PRDM6: variants seen among roughly 807,000 people sequenced by gnomAD.
PRDM6 encodes putative histone-lysine N-methyltransferase PRDM6.
A neutral mutation model predicts 60.8 loss-of-function variants in PRDM6; 25 were observed. That is an observed-to-expected ratio of 0.41 (90% CI 0.30 to 0.57). The LOEUF is 0.57. PRDM6 is among the 20% of genes least tolerant of loss of function. The probability of loss-of-function intolerance (pLI) is 0.27; values close to 1 mark genes in which losing one functional copy is unlikely to be tolerated. For missense variants in PRDM6, 839 were observed against 821.3 expected, an observed-to-expected ratio of 1.02 and a Z score of -0.26; for synonymous variants, 407 against 357.4, an observed-to-expected ratio of 1.14 and a Z score of -1.57.
At chr5:123,162,363 C>A (rs997845335) in intron 5 of PRDM6, among the ~76,000 whole-genome samples, 2 of 152,034 alleles carry the variant, frequency 1.3e-5, no homozygotes, top group African/African-American at 4.8e-5. Context: ...TTGGTGCCAC[C>A]GTGCCAAAAA....
At chr5:123,091,390 T>C (rs115419521) in intron 2 of PRDM6, among the ~76,000 whole-genome samples, 1,700 of 152,264 alleles carry the variant, frequency 0.011, 33 homozygotes, top group African/African-American at 0.039. Context: ...GAAATTAGGG[T>C]GACTGTAATT....
In PRDM6 at chr5:123,159,617, T is replaced by G; in HGVS notation, c.1132T>G (p.Cys378Gly). Residue 378 changes from cysteine (C) to glycine (G), a missense_variant, in exon 5 of 8, where the codon TGC becomes GGC. Around this residue, in one of 2 missense-constraint regions of PRDM6, gnomAD observed 730 missense variants for 648.8 expected, o/e 1.13. Transcript: ENST00000407847. ...GTCTTTCTTTGGGATCCCCTTACAA[T>G]GCATTGCCCAGGATGAAAACTGTAA... ...YTSFFGIPLQ[C>G]IAQDENLNVP... The G allele has an allele frequency of 6.4e-7, 1 of 1,551,644 alleles. No homozygotes were observed. The highest frequency in any genetic ancestry group is 8.7e-7 in the Non-Finnish European group (1 of 1,146,788).
Position 123,190,087 on chromosome 5 carries a change from G to A in PRDM6, c.*2886G>A, listed in dbSNP as rs1371984464. On this transcript the variant is annotated 3_prime_UTR_variant, in exon 8 of 8. Coordinates refer to ENST00000407847, the MANE Select transcript of PRDM6 (RefSeq NM_001136239.4). Reference sequence around the variant, plus strand: ...AGAGTAAATGCTCTGAATCACTGGGGAAAGGATATTTAAGATAAGAAAGGT... The same window carrying A: ...AGAGTAAATGCTCTGAATCACTGGGAAAAGGATATTTAAGATAAGAAAGGT... 2 of 152,174 alleles carry A rather than the reference G, an allele frequency of 1.3e-5. No individual in the cohort carries two copies. The highest frequency in any genetic ancestry group is 6.5e-5 in the Admixed American group (1 of 15,276). The allele number at this position is 152,174 out of a possible 1,614,324, so 9.4% of individuals were successfully genotyped here.
At chr5:123,097,723 G>A (rs1763989182) in intron 2 of PRDM6, among the ~76,000 whole-genome samples, 1 of 152,200 alleles carries the variant, frequency 6.6e-6, no homozygotes, top group South Asian at 2.1e-4. Flanking sequence ...TCCCATCCAG[G>A]CCCTGGGGTC....
chr5:123,142,755 C>T (rs463061), intron 3 of PRDM6, among the ~76,000 whole-genome samples: 49,764 of 151,410 alleles, frequency 0.33, 8,581 homozygotes, highest in Middle Eastern at 0.37. Flanking sequence ...AATAAACCAA[C>T]CAAAGGATTC....
At chr5:123,135,721 A>G (rs1013112979) in intron 3 of PRDM6, among the ~76,000 whole-genome samples, 5 of 152,162 alleles carry the variant, frequency 3.3e-5, no homozygotes, top group Admixed American at 6.6e-5. Flanking sequence ...TCTGTATCCT[A>G]TTATCAAACT....
At chr5:123,144,624 T>C (rs1433922664) in intron 3 of PRDM6, among the ~76,000 whole-genome samples, 1 of 152,090 alleles carries the variant, frequency 6.6e-6, no homozygotes, top group Non-Finnish European at 1.5e-5. Flanking sequence ...GAACCAACAC[T>C]TGGAGAGAGA....
At chr5:123,122,147 T>A in intron 3 of PRDM6, among the ~76,000 whole-genome samples, 1 of 112,786 alleles carries the variant, frequency 8.9e-6, no homozygotes. Context: ...TGGGCGACAG[T>A]GCGAGACTCC....
intron 3 of PRDM6, among the ~76,000 whole-genome samples, chr5:123,153,216 A>AG (rs1491078203): frequency 6.7e-6 from 1 of 148,940 alleles, no homozygotes; most frequent in African/African-American, 2.5e-5. Context: ...AAAAAAAAAA[A>AG]AGGGCTAGGT....
intron 3 of PRDM6, among the ~76,000 whole-genome samples, chr5:123,124,226 A>C (rs1764645760): frequency 6.6e-6 from 1 of 152,186 alleles, no homozygotes. Flanking sequence ...GCACAACAGG[A>C]AGAGCCAATC....
intron 3 of PRDM6, among the ~76,000 whole-genome samples, chr5:123,121,421 C>T (rs35039196): frequency 0.013 from 2,029 of 152,202 alleles, 20 homozygotes; most frequent in Middle Eastern, 0.054. Flanking sequence ...CTCACTCCGT[C>T]ACCCAGACAG....
At chr5:123,147,612 T>C (rs1765276116) in intron 3 of PRDM6, among the ~76,000 whole-genome samples, 1 of 151,894 alleles carries the variant, frequency 6.6e-6, no homozygotes, top group African/African-American at 2.4e-5. Flanking sequence ...CTCAAAAGAG[T>C]ACAACATCAA....
intron 5 of PRDM6, 85 bp from the exon 6 acceptor site, chr5:123,170,677 GATTT>G (rs1050229898): frequency 1.4e-5 from 13 of 943,336 alleles, no homozygotes; most frequent in Non-Finnish European, 1.9e-5. Context: ...TTAAAAGGTT[GATTT>G]ATTTGATTTT....
At chr5:123,164,038 T>G (rs1765693292) in intron 5 of PRDM6, among the ~76,000 whole-genome samples, 1 of 152,102 alleles carries the variant, frequency 6.6e-6, no homozygotes, top group African/African-American at 2.4e-5. Flanking sequence ...CCCTTAGTGG[T>G]GACCTTTAGA....
rs335168 is a variant in PRDM6, at chr5:123,191,125, T to A, written c.*3924T>A. Reference sequence around the variant, plus strand: ...CCCTTTCAATGATAAGGCAACAAGTTGGGTACAAGGCTGGAGTTGCTCAGG... The same window carrying A: ...CCCTTTCAATGATAAGGCAACAAGTAGGGTACAAGGCTGGAGTTGCTCAGG... On this transcript the variant is annotated 3_prime_UTR_variant, in exon 8 of 8. Coordinates refer to ENST00000407847, the MANE Select transcript of PRDM6 (RefSeq NM_001136239.4). 1.3e-5 allele frequency: 2 copies of A among 152,010 alleles called. No homozygotes were observed. The highest frequency in any genetic ancestry group is 4.8e-5 in the African/African-American group (2 of 41,390). The allele number at this position is 152,010 out of a possible 1,614,324, so 9.4% of individuals were successfully genotyped here. A position where few individuals can be genotyped will look rare whatever the true frequency, so the allele number is the denominator to read the frequency against.
Position 123,090,182 on chromosome 5 carries a change from C to CCGCCGCCGCCGCCGCCGCCG in PRDM6, c.169_170insGCCGCCGCCGCCGCCGCCGC (p.Pro57ArgfsTer73), listed in dbSNP as rs561814679. The CCGCCGCCGCCGCCGCCGCCG allele has an allele frequency of 1.4e-6, 2 of 1,476,290 alleles. No homozygotes were observed. The highest frequency in any genetic ancestry group is 3.0e-5 in the African/African-American group (2 of 67,712). The allele number at this position is 1,476,290 out of a possible 1,614,324, so 91.4% of individuals were successfully genotyped here. Reference sequence around the variant, plus strand: ...AGCCTCTTCAGCCGCCGCCGCCGCCCCCGCCCCCGGAGCGCGCTGAGCCTC... The same window carrying CCGCCGCCGCCGCCGCCGCCG: ...AGCCTCTTCAGCCGCCGCCGCCGCCCCGCCGCCGCCGCCGCCGCCGCCGCCCCCGGAGCGCGCTGAGCCTC... On this transcript the variant is annotated frameshift_variant, in exon 2 of 8. Transcript: ENST00000407847. LOFTEE classifies it high-confidence loss of function.
chr5:123,100,927 T>C (rs894551438), intron 3 of PRDM6, among the ~76,000 whole-genome samples: 2 of 152,208 alleles, frequency 1.3e-5, no homozygotes, highest in African/African-American at 2.4e-5. Context: ...TTAAACAATA[T>C]GTAAATCTGA....
intron 3 of PRDM6, among the ~76,000 whole-genome samples, chr5:123,109,207 C>G (rs200104783): frequency 6.6e-6 from 1 of 150,550 alleles, no homozygotes; most frequent in Non-Finnish European, 1.5e-5. Flanking sequence ...AAAAAAAGAT[C>G]AAGTATCTTT....
At chr5:123,125,897 A>T (rs1267651296) in intron 3 of PRDM6, among the ~76,000 whole-genome samples, 3 of 152,066 alleles carry the variant, frequency 2.0e-5, no homozygotes, top group African/African-American at 7.2e-5. Context: ...TTTCTCAGAG[A>T]TCTTGGAGAA....
Sources: allele counts gnomAD v4.1 joint callset (sites outside exome capture counted in the v4.1 genomes callset), GRCh38; gene constraint gnomAD v4.1.1; regional missense constraint gnomAD v4.1.1; transcripts MANE v1.5; gene names NCBI Gene and HGNC (gene_info 2026-07-23, HGNC 2026-07-21).